ADARB1: variants seen among roughly 807,000 people sequenced by gnomAD.
The protein encoded by ADARB1 is adenosine deaminase RNA specific B1.
A neutral mutation model predicts 52.4 loss-of-function variants in ADARB1; 10 were observed. That is an observed-to-expected ratio of 0.19 (90% CI 0.12 to 0.32). The LOEUF (loss-of-function observed/expected upper bound fraction) is 0.32. Among genes scored for constraint, ADARB1 ranks in the 10% least tolerant of loss-of-function variants. The pLI is 1.00. For missense variants in ADARB1, 643 were observed against 922.3 expected (o/e 0.70, Z 3.92); for synonymous variants, 349 against 371.1 (o/e 0.94, Z 0.68).
chr21:45,193,245 A>G (rs2092346340), intron 8 of ADARB1, among the ~76,000 whole-genome samples: 1 of 152,250 alleles, frequency 6.6e-6, no homozygotes. Flanking sequence ...TATCCCAGGA[A>G]TTCCAAGCTA....
Position 45,221,861 on chromosome 21 carries a change from T to C in ADARB1, c.1927-157T>C, listed in dbSNP as rs916046642. ...TTAGGAGACGCCGCACCTTGTTCTG[T>C]GTGAAGCCGTTCCCTTGGCAGAAGG... On this transcript the variant is annotated intron_variant, in intron 10 of 10. Coordinates refer to ENST00000348831, the MANE Select transcript of ADARB1 (RefSeq NM_001112.4). The surrounding 1 kb of genome is among the most constrained non-coding windows in gnomAD (Gnocchi z 4.9). Among the ~76,000 whole-genome samples the C allele has an allele frequency of 1.3e-5, 2 of 152,218 alleles. No individual in the cohort carries two copies. Among genetic ancestry groups the C allele is most frequent in the Non-Finnish European group, 2.9e-5 (2 of 68,042 alleles).
Position 45,208,679 on chromosome 21 carries a change from AGT to A in ADARB1, c.1747+3951_1747+3952del, listed in dbSNP as rs996543034. Reference sequence around the variant, plus strand: ...GTGTGCATGAGTGCGTGTGTGTATGAGTGTGTGTGCATGTGTGTGTGCACGCT... The same window carrying A: ...GTGTGCATGAGTGCGTGTGTGTATGAGTGTGTGCATGTGTGTGTGCACGCT... On this transcript the variant is annotated intron_variant, in intron 9 of 10. Coordinates refer to ENST00000348831, the MANE Select transcript of ADARB1 (RefSeq NM_001112.4). The surrounding 1 kb of genome is among the most constrained non-coding windows in gnomAD (Gnocchi z 5.6). Among the ~76,000 whole-genome samples, 8 of 150,860 alleles carry A rather than the reference AGT, an allele frequency of 5.3e-5. No individual in the cohort carries two copies. Among genetic ancestry groups the A allele is most frequent in the Non-Finnish European group, 1.2e-4 (8 of 67,654 alleles).
At position 45,142,408 on chromosome 21, in the gene ADARB1, G is replaced by C. The variant is rs551739225; in HGVS notation, c.-48+13835G>C. 6.6e-6 allele frequency among the ~76,000 whole-genome samples: 1 copy of C among 152,238 alleles called. No homozygotes were observed. Among genetic ancestry groups the C allele is most frequent in the Non-Finnish European group, 1.5e-5 (1 of 68,032 alleles). On this transcript the variant is annotated intron_variant, in intron 2 of 10. Coordinates refer to ENST00000348831, the MANE Select transcript of ADARB1 (RefSeq NM_001112.4). The surrounding 1 kb of genome is among the most constrained non-coding windows in gnomAD (Gnocchi z 4.0). ...GCAAGTAGACTGAAAGTTATACTTA[G>C]TCTGTTCTGTTTGAAACCATTCTCA...
Position 45,123,054 on chromosome 21 carries a change from A to AT in ADARB1, c.-219-5339dup, listed in dbSNP as rs199870850. Among the ~76,000 whole-genome samples, 363 of 150,794 alleles carry AT rather than the reference A, an allele frequency of 2.4e-3. 1 individual carries two copies. Among genetic ancestry groups the AT allele is most frequent in the African/African-American group, 7.5e-3 (307 of 41,152 alleles). ...TATAAAATCAGTTGTCATTGCTGGCATTTTTTTTTGTTCTGTTGCCTGATT... is the reference window on the plus strand; with the variant it reads ...TATAAAATCAGTTGTCATTGCTGGCATTTTTTTTTTGTTCTGTTGCCTGATT... On this transcript the variant is annotated intron_variant, in intron 1 of 10. Coordinates refer to ENST00000348831, the MANE Select transcript of ADARB1 (RefSeq NM_001112.4).
intron 2 of ADARB1, among the ~76,000 whole-genome samples, chr21:45,131,013 G>A (rs987132345): frequency 6.6e-6 from 1 of 152,018 alleles, no homozygotes; most frequent in Non-Finnish European, 1.5e-5. Context: ...TCTTCTTTTT[G>A]TAACAAATAT....
chr21:45,161,425 C>G (rs2090960050), intron 2 of ADARB1, among the ~76,000 whole-genome samples: 1 of 152,232 alleles, frequency 6.6e-6, no homozygotes, highest in Admixed American at 6.5e-5. Flanking sequence ...AAAGTTGTGG[C>G]CGAGCTGGGA....
chr21:45,132,696 C>T (rs2089029223), intron 2 of ADARB1, among the ~76,000 whole-genome samples: 1 of 152,166 alleles, frequency 6.6e-6, no homozygotes, highest in Non-Finnish European at 1.5e-5. Context: ...TGTCCGGTTA[C>T]ATCCAAGTAA....
intron 1 of ADARB1, among the ~76,000 whole-genome samples, chr21:45,105,688 GCA>G (rs1428550279): frequency 6.6e-6 from 1 of 152,056 alleles, no homozygotes; most frequent in Non-Finnish European, 1.5e-5. Context: ...TTTGCTTCAT[GCA>G]CACACACACA....
chr21:45,145,890 C>A (rs1310346992), intron 2 of ADARB1: 1 of 151,350 alleles, frequency 6.6e-6, no homozygotes, highest in East Asian at 1.9e-4. Flanking sequence ...ATTTAGTAGA[C>A]CTGCCAGATT....
intron 1 of ADARB1, among the ~76,000 whole-genome samples, chr21:45,084,216 A>G (rs1245093168): frequency 6.6e-6 from 1 of 152,212 alleles, no homozygotes; most frequent in African/African-American, 2.4e-5. Context: ...TGTAAGTCAG[A>G]GTCAAATAAT....
chr21:45,224,771 C>T lies in ADARB1; in HGVS notation c.*2574C>T. 2.7e-5 allele frequency: 26 copies of T among 980,272 alleles called. No individual in the cohort carries two copies. Among genetic ancestry groups the T allele is most frequent in the Non-Finnish European group, 3.0e-5 (25 of 828,536 alleles). The allele number at this position is 980,272 out of a possible 1,614,324, so 60.7% of individuals were successfully genotyped here. A position where few individuals can be genotyped will look rare whatever the true frequency, so the allele number is the denominator to read the frequency against. ...AAGGTGACGTGCAGGGGACCAGAGG[C>T]TCTGCACTGCTCCTAGGACAGCTCA... On this transcript the variant is annotated 3_prime_UTR_variant, in exon 11 of 11. Coordinates refer to ENST00000348831, the MANE Select transcript of ADARB1 (RefSeq NM_001112.4).
chr21:45,186,587 T>G (rs1416422117), intron 8 of ADARB1, among the ~76,000 whole-genome samples: 2 of 152,234 alleles, frequency 1.3e-5, no homozygotes. Context: ...AGTTTCAATT[T>G]TTATTTCTCT....
intron 1 of ADARB1, among the ~76,000 whole-genome samples, chr21:45,105,187 AC>A (rs2087195084): frequency 6.6e-6 from 1 of 151,866 alleles, no homozygotes; most frequent in Non-Finnish European, 1.5e-5. Context: ...CAAAACCTCT[AC>A]CTCCTGGGGT....
intron 8 of ADARB1, among the ~76,000 whole-genome samples, chr21:45,199,500 G>A (rs2092502354): frequency 6.6e-6 from 1 of 152,184 alleles, no homozygotes; most frequent in South Asian, 2.1e-4. Context: ...CAGAAGACAT[G>A]GACAAAGTAG....
chr21:45,167,780 T>C (rs2091312454), intron 2 of ADARB1, among the ~76,000 whole-genome samples: 1 of 152,130 alleles, frequency 6.6e-6, no homozygotes, highest in East Asian at 1.9e-4. Context: ...TGAGATAATA[T>C]AGATTCACAT....
chr21:45,117,966 C>CT (rs755962507), intron 1 of ADARB1, among the ~76,000 whole-genome samples: 5 of 152,206 alleles, frequency 3.3e-5, no homozygotes, highest in African/African-American at 9.7e-5. Flanking sequence ...CCTTCACACT[C>CT]TGAGTTTTGA....
In ADARB1 at chr21:45,176,388, A is replaced by G; in HGVS notation, c.687A>G (p.Pro229=). ...QPPLPVLPPF[P]PPSGKNPVMI... ...CTCTCCCTGTCTTACCACCATTCCCACCCCCGAGTGGGAAGAATCCCGTGA... is the reference window on the plus strand; with the variant it reads ...CTCTCCCTGTCTTACCACCATTCCCGCCCCCGAGTGGGAAGAATCCCGTGA... The change falls in exon 4 of 11, where the codon CCA becomes CCG. Residue 229 remains proline (P), a synonymous_variant. Transcript: ENST00000348831. The surrounding 1 kb of genome is among the most constrained non-coding windows in gnomAD (Gnocchi z 5.8). The G allele has an allele frequency of 3.1e-6, 5 of 1,613,398 alleles. No homozygotes were observed. The highest frequency in any genetic ancestry group is 4.2e-6 in the Non-Finnish European group (5 of 1,179,842).
chr21:45,218,928 C>T (rs1297566280), intron 9 of ADARB1, among the ~76,000 whole-genome samples: 1 of 152,094 alleles, frequency 6.6e-6, no homozygotes, highest in Non-Finnish European at 1.5e-5. Context: ...ATTTTGGTGG[C>T]CTATAACATC....
intron 1 of ADARB1, among the ~76,000 whole-genome samples, chr21:45,127,810 A>G (rs1601474530): frequency 6.6e-6 from 1 of 152,196 alleles, no homozygotes; most frequent in East Asian, 1.9e-4. Context: ...TTTCAGGAAG[A>G]AAATTTTAAT....
Sources: allele counts gnomAD v4.1 joint callset (sites outside exome capture counted in the v4.1 genomes callset), GRCh38; gene constraint gnomAD v4.1.1; non-coding constraint Gnocchi (gnomAD v3.1); transcripts MANE v1.5; gene names NCBI Gene and HGNC (gene_info 2026-07-23, HGNC 2026-07-21).